ZNF496: variants seen among roughly 807,000 people sequenced by gnomAD.
ZNF496 encodes zinc finger protein 496.
ZNF496 carries 11 observed loss-of-function variants against 58.9 expected under a neutral mutation model. The ratio of observed to expected loss-of-function variants is 0.19; its 90% CI spans 0.12 to 0.31. The LOEUF is 0.31. ZNF496 is among the 10% of genes least tolerant of loss of function. The pLI is 1.00. For missense variants in ZNF496, 660 were observed against 783.0 expected, an observed-to-expected ratio of 0.84 and a Z score of 1.88; for synonymous variants, 338 against 318.2, an observed-to-expected ratio of 1.06 and a Z score of -0.66.
chr1:247,320,668 GT>G (rs1254167152), intron 6 of ZNF496, among the ~76,000 whole-genome samples: 1 of 152,158 alleles, frequency 6.6e-6, no homozygotes, highest in African/African-American at 2.4e-5. Context: ...GGATCTCTCT[GT>G]GTTATTTCTT....
rs952784344 is a variant in ZNF496, at chr1:247,307,170, G to A, written c.1006+1305C>T. 2.2e-5 allele frequency: 22 copies of A among 985,340 alleles called. No homozygotes were observed. In the African/African-American group the frequency reaches 3.8e-4, roughly 17 times the overall value. The allele number at this position is 985,340 out of a possible 1,614,324, so 61.0% of individuals were successfully genotyped here. A position where few individuals can be genotyped will look rare whatever the true frequency, so the allele number is the denominator to read the frequency against. The stretch of plus-strand genomic sequence containing the variant: ...AGTGTCCTGCGTGGGCATGGATATA[G>A]AGAAGCAGACCTTATCACCAGCTAT... On this transcript the variant is annotated intron_variant, in intron 9 of 9. Transcript: ENST00000682384.
At position 247,301,241 on chromosome 1, in the gene ZNF496, C is replaced by T. The variant is rs1659226389; in HGVS notation, c.1042G>A (p.Asp348Asn). 1.3e-6 allele frequency: 2 copies of T among 1,529,148 alleles called. No homozygotes were observed. Among genetic ancestry groups the T allele is most frequent in the Non-Finnish European group, 8.8e-7 (1 of 1,140,494 alleles). 94.7% of individuals were successfully genotyped at this position (1,529,148 alleles called of 1,614,324 possible). A position where few individuals can be genotyped will look rare whatever the true frequency, so the allele number is the denominator to read the frequency against. ...GNPRSLENSL[D>N]EEVTIEIVLS... ...ACGATCTCGATGGTCACTTCTTCATCCAGGCTGTTCTCTAGAGATCGCGGG... is the reference window on the plus strand; with the variant it reads ...ACGATCTCGATGGTCACTTCTTCATTCAGGCTGTTCTCTAGAGATCGCGGG... Residue 348 changes from aspartate to asparagine, a missense_variant, in exon 10 of 10, where the codon GAT (aspartate) becomes AAT (asparagine). Physicochemically the swap from Asp to Asn is conservative, Grantham distance 23 (BLOSUM62 1). Coordinates refer to ENST00000682384, the MANE Select transcript of ZNF496 (RefSeq NM_032752.3).
In ZNF496 at chr1:247,298,065, G is replaced by C. The variant is rs894529132; in HGVS notation, c.*2454C>G. On this transcript the variant is annotated 3_prime_UTR_variant, in exon 10 of 10. Transcript: ENST00000682384. Reference sequence around the variant, plus strand: ...AGCACAGGTAGGAGCACACAGGTAGGTGGGGTAAACGTGTACAGAGAGCCT... The same window carrying C: ...AGCACAGGTAGGAGCACACAGGTAGCTGGGGTAAACGTGTACAGAGAGCCT... The C allele has an allele frequency of 3.3e-5, 5 of 152,182 alleles. No individual in the cohort carries two copies. Among genetic ancestry groups the C allele is most frequent in the Non-Finnish European group, 5.9e-5 (4 of 68,046 alleles). The allele number at this position is 152,182 out of a possible 1,614,324, so 9.4% of individuals were successfully genotyped here.
chr1:247,311,886 G>C (rs1659615800), intron 6 of ZNF496: 2 of 152,346 alleles, frequency 1.3e-5, no homozygotes, highest in Non-Finnish European at 2.9e-5. Context: ...GGCTTCAGGG[G>C]TGACTGAAGC....
intron 6 of ZNF496, among the ~76,000 whole-genome samples, chr1:247,321,808 C>T (rs1252639404): frequency 6.6e-6 from 1 of 152,200 alleles, no homozygotes; most frequent in Non-Finnish European, 1.5e-5. Flanking sequence ...ACTGGTTTTA[C>T]CTCCTTTGTG....
In ZNF496 at chr1:247,329,345, C is replaced by T; in HGVS notation, c.234G>A (p.Lys78=). 1 of 1,613,644 alleles carries T rather than the reference C, an allele frequency of 6.2e-7. No homozygotes were observed. ...GGWLRPERHT[K]EQILELLVLE... ...GCACCAGCAGCTCCAGAATCTGCTC[C>T]TTGGTGTGCCTCTCAGGCCGCAGCC... Residue 78 remains lysine (K), a synonymous_variant, in exon 4 of 10, where the codon AAG becomes AAA. Coordinates refer to ENST00000682384, the MANE Select transcript of ZNF496 (RefSeq NM_032752.3). The surrounding 1 kb of genome is among the most constrained non-coding windows in gnomAD (Gnocchi z 5.5).
At chr1:247,303,009 A>G (rs1451850108) in intron 9 of ZNF496, among the ~76,000 whole-genome samples, 1 of 152,254 alleles carries the variant, frequency 6.6e-6, no homozygotes, top group Non-Finnish European at 1.5e-5. Flanking sequence ...CAGACAGTGC[A>G]TGTTATGGGC....
At chr1:247,313,104 A>G (rs1045936746) in intron 6 of ZNF496, 1 of 152,232 alleles carries the variant, frequency 6.6e-6, no homozygotes, top group African/African-American at 2.4e-5. Context: ...GGAAGGGGCA[A>G]GGCTGCTCTC....
At chr1:247,326,063 C>CATATATATACACACACACACACAT (rs1553273478) in intron 5 of ZNF496, among the ~76,000 whole-genome samples, 8 of 145,608 alleles carry the variant, frequency 5.5e-5, no homozygotes, top group East Asian at 3.9e-4. Context: ...CACACACACA[C>CATATATATACACACACACACACAT]ATATATACAC....
intron 9 of ZNF496, 125 bp from the exon 10 acceptor site, chr1:247,301,401 C>G: frequency 7.7e-7 from 1 of 1,301,330 alleles, no homozygotes; most frequent in African/African-American, 1.5e-5. Context: ...TCCTCGGTGA[C>G]CGGGGCGGCC....
At chr1:247,327,506 G>A (rs1660168967) in intron 5 of ZNF496, among the ~76,000 whole-genome samples, 1 of 152,218 alleles carries the variant, frequency 6.6e-6, no homozygotes, top group South Asian at 2.1e-4. Flanking sequence ...AACTGTGAGA[G>A]AATACATTTC....
At chr1:247,302,473 T>TG (rs397947695) in intron 9 of ZNF496, among the ~76,000 whole-genome samples, 83,782 of 150,508 alleles carry the variant, frequency 0.56, 23,671 homozygotes, top group Middle Eastern at 0.78. Flanking sequence ...AGAGATTGTG[T>TG]TTGTGTGTGT....
At chr1:247,304,685 G>C (rs1261041159) in intron 9 of ZNF496, among the ~76,000 whole-genome samples, 1 of 152,162 alleles carries the variant, frequency 6.6e-6, no homozygotes, top group Non-Finnish European at 1.5e-5. Flanking sequence ...TGACCTGCTA[G>C]ATTTAAGACT....
Position 247,300,423 on chromosome 1 carries a change from T to C in ZNF496, c.*96A>G. The C allele has an allele frequency of 7.3e-7, 1 of 1,372,256 alleles. No individual in the cohort carries two copies. The highest frequency in any genetic ancestry group is 9.8e-7 in the Non-Finnish European group (1 of 1,024,386). The allele number at this position is 1,372,256 out of a possible 1,614,324, so 85.0% of individuals were successfully genotyped here. ...AAGGACAGGAGGGAGGTGTGCTCTC[T>C]ATCCTGGGGAAGGTATGTCCTGGGT... is the stretch of plus-strand genomic sequence containing the variant. On this transcript the variant is annotated 3_prime_UTR_variant, in exon 10 of 10. Transcript: ENST00000682384. This position sits in a 1 kb window ranked among gnomAD's most constrained non-coding sequence, Gnocchi z 5.7.
intron 5 of ZNF496, among the ~76,000 whole-genome samples, chr1:247,326,723 A>G (rs1394954001): frequency 6.6e-6 from 1 of 152,114 alleles, no homozygotes. Context: ...GAGTATTTGG[A>G]GATAGGGTCT....
intron 9 of ZNF496, 150 bp from the exon 10 acceptor site, chr1:247,301,426 G>A: frequency 1.1e-6 from 1 of 916,744 alleles, no homozygotes; most frequent in Non-Finnish European, 1.6e-6. Context: ...CAGCCCTGCA[G>A]GGGCCACTGG....
At position 247,323,481 on chromosome 1, in the gene ZNF496, T is replaced by C. The variant is rs183967756; in HGVS notation, c.575-251A>G. ...AACCACAAAGATTGCTGCGACTTTG[T>C]TTCCAGATATAACAAGGGGGGCTGT... On this transcript the variant is annotated intron_variant, in intron 5 of 9. Coordinates refer to ENST00000682384, the MANE Select transcript of ZNF496 (RefSeq NM_032752.3). Among the ~76,000 whole-genome samples, 322 of 152,304 alleles carry C rather than the reference T, an allele frequency of 2.1e-3. 1 individual carries two copies. Among genetic ancestry groups the C allele is most frequent in the Non-Finnish European group, 3.4e-3 (230 of 68,032 alleles).
At chr1:247,302,920 G>A (rs1055264307) in intron 9 of ZNF496, among the ~76,000 whole-genome samples, 1 of 152,176 alleles carries the variant, frequency 6.6e-6, no homozygotes, top group East Asian at 1.9e-4. Flanking sequence ...GACTTGGGTG[G>A]AAGAAGAAAA....
intron 6 of ZNF496, among the ~76,000 whole-genome samples, chr1:247,316,081 A>C (rs1246364359): frequency 1.3e-5 from 2 of 151,948 alleles, no homozygotes; most frequent in African/African-American, 4.8e-5. Context: ...TAATTGCCCC[A>C]GTGACAAAAA....
Sources: allele counts gnomAD v4.1 joint callset (sites outside exome capture counted in the v4.1 genomes callset), GRCh38; gene constraint gnomAD v4.1.1; non-coding constraint Gnocchi (gnomAD v3.1); transcripts MANE v1.5; gene names NCBI Gene and HGNC (gene_info 2026-07-23, HGNC 2026-07-21).